The following PPM1E variants were observed in gnomAD, a reference collection of about 807,000 sequenced individuals.
PPM1E encodes the protein protein phosphatase 1E.
In PPM1E, 20 loss-of-function variants were observed where a neutral mutation model predicts 65.9. The observed-to-expected ratio is 0.30, with a 90% CI of 0.21 to 0.44. PPM1E has a LOEUF of 0.44. Among genes scored for constraint, PPM1E ranks in the 20% least tolerant of loss-of-function variants. The probability of loss-of-function intolerance (pLI) is 1.00; values close to 1 mark genes in which losing one functional copy is unlikely to be tolerated. For missense variants in PPM1E, 713 were observed against 953.1 expected (o/e 0.75, Z 3.32); for synonymous variants, 352 against 374.9 (o/e 0.94, Z 0.70).
chr17:58,882,516 G>A (rs984588608), intron 1 of PPM1E, among the ~76,000 whole-genome samples: 1 of 151,766 alleles, frequency 6.6e-6, no homozygotes, highest in Non-Finnish European at 1.5e-5. Flanking sequence ...TCAGCCTCTC[G>A]AGTAGCTGGG....
chr17:58,812,261 G>T (rs894173212), intron 1 of PPM1E, among the ~76,000 whole-genome samples: 1 of 124,364 alleles, frequency 8.0e-6, no homozygotes, highest in South Asian at 2.7e-4. Context: ...CCCACATTGC[G>T]CCACTGAACT....
intron 1 of PPM1E, among the ~76,000 whole-genome samples, chr17:58,757,074 A>C (rs1439125325): frequency 6.6e-6 from 1 of 152,180 alleles, no homozygotes; most frequent in Non-Finnish European, 1.5e-5. Context: ...AGGGCTTTTT[A>C]GATGTTTTCA....
At chr17:58,774,330 TAAGA>T (rs1240347080) in intron 1 of PPM1E, among the ~76,000 whole-genome samples, 4 of 152,132 alleles carry the variant, frequency 2.6e-5, no homozygotes, top group East Asian at 1.9e-4. Context: ...GTATAAAATA[TAAGA>T]AAGTGAATAA....
chr17:58,817,219 G>A (rs768775843), intron 1 of PPM1E, among the ~76,000 whole-genome samples: 7 of 152,060 alleles, frequency 4.6e-5, no homozygotes, highest in East Asian at 3.9e-4. Flanking sequence ...GAATAATGCC[G>A]CTGTAGAAAT....
At chr17:58,910,891 C>A (rs983130231) in intron 1 of PPM1E, among the ~76,000 whole-genome samples, 1 of 151,920 alleles carries the variant, frequency 6.6e-6, no homozygotes, top group South Asian at 2.1e-4. Context: ...AGAGGGTGCT[C>A]TGCCGCATTT....
At chr17:58,893,963 A>C (rs2051379821) in intron 1 of PPM1E, among the ~76,000 whole-genome samples, 1 of 152,030 alleles carries the variant, frequency 6.6e-6, no homozygotes, top group Non-Finnish European at 1.5e-5. Flanking sequence ...AGTCCCAGCT[A>C]TTTGGGAGGC....
Position 58,980,053 on chromosome 17 carries a change from C to T in PPM1E, c.1290C>T (p.Leu430=), listed in dbSNP as rs746078750. The part of the protein sequence containing the change: ...STVLDGTEDY[L]ILACDGFYDT... ...TTCTGGATGGGACCGAAGACTACCT[C>T]ATTCTGGCCTGTGATGGCTTCTATG... The change falls in exon 7 of 7, where the codon CTC becomes CTT. Residue 430 remains leucine, a synonymous_variant. Coordinates refer to ENST00000308249, the MANE Select transcript of PPM1E (RefSeq NM_014906.5). This position sits in a 1 kb window ranked among gnomAD's most constrained non-coding sequence, Gnocchi z 4.7. The T allele has an allele frequency of 2.5e-6, 4 of 1,614,146 alleles. No individual in the cohort carries two copies. Among genetic ancestry groups the T allele is most frequent in the African/African-American group, 1.3e-5 (1 of 75,042 alleles).
At chr17:58,972,806 C>T (rs1277671675) in intron 5 of PPM1E, 26 bp from the exon 6 acceptor site, 7 of 1,575,470 alleles carry the variant, frequency 4.4e-6, no homozygotes, top group Non-Finnish European at 6.1e-6. Context: ...CAGTTATTTG[C>T]TTCTTTTTAT....
chr17:58,897,210 C>T (rs904732556), intron 1 of PPM1E, among the ~76,000 whole-genome samples: 10 of 151,778 alleles, frequency 6.6e-5, no homozygotes, highest in African/African-American at 1.9e-4. Flanking sequence ...GTCAGGAGAT[C>T]GAGACCATCC....
rs547417374 is a variant in PPM1E at position 58,876,931 on chromosome 17, CCGCCACCA to C, written c.465-78713_465-78706del. 9.1e-3 allele frequency among the ~76,000 whole-genome samples: 1,377 copies of C among 152,104 alleles called. 18 individuals are homozygous for C. Among genetic ancestry groups the C allele is most frequent in the African/African-American group, 0.031 (1,291 of 41,506 alleles). ...CCCGAGTAGCTGGGACTACAGGCAC[CCGCCACCA>C]CGCCCAGCTAATTTTTTGTATTTTC... On this transcript the variant is annotated intron_variant, in intron 1 of 6. Coordinates refer to ENST00000308249, the MANE Select transcript of PPM1E (RefSeq NM_014906.5).
intron 1 of PPM1E, among the ~76,000 whole-genome samples, chr17:58,764,888 C>G (rs994840385): frequency 6.6e-6 from 1 of 152,040 alleles, no homozygotes; most frequent in Non-Finnish European, 1.5e-5. Flanking sequence ...GCCACCATGC[C>G]CAGCCTACTA....
intron 1 of PPM1E, among the ~76,000 whole-genome samples, chr17:58,916,202 A>G (rs1255325925): frequency 2.6e-5 from 4 of 152,228 alleles, no homozygotes; most frequent in Non-Finnish European, 5.9e-5. Context: ...TAGCATTCCT[A>G]ACAAGTAAGC....
intron 1 of PPM1E, among the ~76,000 whole-genome samples, chr17:58,827,520 C>A (rs1207713834): frequency 6.6e-6 from 1 of 152,120 alleles, no homozygotes; most frequent in Non-Finnish European, 1.5e-5. Flanking sequence ...TGGTTATAAT[C>A]TTTTAAGCCA....
At chr17:58,864,526 G>A (rs539897489) in intron 1 of PPM1E, among the ~76,000 whole-genome samples, 11 of 152,220 alleles carry the variant, frequency 7.2e-5, no homozygotes, top group Admixed American at 3.3e-4. Flanking sequence ...TGTAAGTCCA[G>A]CTTCTCAGAA....
chr17:58,844,191 T>C (rs889608348), intron 1 of PPM1E, among the ~76,000 whole-genome samples: 5 of 152,148 alleles, frequency 3.3e-5, no homozygotes, highest in African/African-American at 9.7e-5. Flanking sequence ...GCAAACATGA[T>C]TAATATTTAC....
In PPM1E at chr17:58,982,990, T is replaced by TAA. The variant is rs935848969; in HGVS notation, c.*1968_*1969dup. On this transcript the variant is annotated 3_prime_UTR_variant, in exon 7 of 7. Coordinates refer to ENST00000308249, the MANE Select transcript of PPM1E (RefSeq NM_014906.5). Reference sequence around the variant, plus strand: ...TTATAGTCCAAAGTGCTTAGCGAAGTAAAAAAAAAAGCTTTTTAAAATTTC... The same window carrying TAA: ...TTATAGTCCAAAGTGCTTAGCGAAGTAAAAAAAAAAAAGCTTTTTAAAATTTC... 29 of 1,259,658 alleles carry TAA rather than the reference T, an allele frequency of 2.3e-5. No homozygotes were observed. In the East Asian group the frequency reaches 4.3e-4, roughly 19 times the overall value. 78.0% of individuals were successfully genotyped at this position (1,259,658 alleles called of 1,614,324 possible).
intron 5 of PPM1E, among the ~76,000 whole-genome samples, chr17:58,972,494 G>C (rs1319113524): frequency 6.6e-6 from 1 of 152,078 alleles, no homozygotes; most frequent in Non-Finnish European, 1.5e-5. Flanking sequence ...GGGATTACAG[G>C]CATGTGCCAC....
At chr17:58,937,518 T>C (rs1057118633) in intron 1 of PPM1E, among the ~76,000 whole-genome samples, 2 of 146,536 alleles carry the variant, frequency 1.4e-5, no homozygotes, top group Admixed American at 6.8e-5. Context: ...CGCCTCGGCC[T>C]CCCAAAGTGC....
At chr17:58,956,206 G>A (rs548189404) in intron 2 of PPM1E, among the ~76,000 whole-genome samples, 18 of 152,216 alleles carry the variant, frequency 1.2e-4, no homozygotes, top group African/African-American at 4.1e-4. Flanking sequence ...GGCTGAGGTG[G>A]GCAGATCACC....
Sources: gnomAD v4.1 joint callset for allele counts (sites outside exome capture counted in the v4.1 genomes callset) on GRCh38, gnomAD v4.1.1 for gene constraint, Gnocchi (gnomAD v3.1) non-coding constraint, MANE v1.5 for transcripts, NCBI Gene and HGNC (gene_info 2026-07-23, HGNC 2026-07-21) for gene names.